CDH12: variants seen among roughly 807,000 people sequenced by gnomAD.
The protein encoded by CDH12 is cadherin-12.
CDH12 carries 41 observed loss-of-function variants against 74.1 expected under a neutral mutation model. The ratio of observed to expected loss-of-function variants is 0.55; its 90% CI spans 0.43 to 0.72. The LOEUF (loss-of-function observed/expected upper bound fraction) is 0.72. CDH12 is among the 30% of genes least tolerant of loss of function. The pLI is 0.00. For synonymous variants in CDH12, 399 were observed against 355.0 expected (o/e 1.12, Z -1.39); for missense variants, 945 against 977.2 (o/e 0.97, Z 0.44).
intron 1 of CDH12, among the ~76,000 whole-genome samples, chr5:22,838,115 C>T (rs748887772): frequency 6.6e-5 from 10 of 152,166 alleles, no homozygotes; most frequent in Admixed American, 6.5e-5. Context: ...CTTGTCCTTG[C>T]TTTGCCATTT....
intron 8 of CDH12, among the ~76,000 whole-genome samples, chr5:21,827,211 C>G (rs1444194711): frequency 1.3e-5 from 2 of 152,022 alleles, no homozygotes; most frequent in Non-Finnish European, 2.9e-5. Flanking sequence ...GAAAGTCAAC[C>G]AAATAGATAC....
chr5:22,514,904 G>A (rs1183066615), intron 1 of CDH12, among the ~76,000 whole-genome samples: 1 of 152,158 alleles, frequency 6.6e-6, no homozygotes, highest in Admixed American at 6.6e-5. Flanking sequence ...ATTATTTAGA[G>A]ATGTGATTAT....
At chr5:22,710,111 C>T (rs1743216003) in intron 1 of CDH12, among the ~76,000 whole-genome samples, 1 of 152,256 alleles carries the variant, frequency 6.6e-6, no homozygotes, top group African/African-American at 2.4e-5. Flanking sequence ...AGCAAAATCA[C>T]CCTCTATTTC....
intron 3 of CDH12, among the ~76,000 whole-genome samples, chr5:22,372,103 G>C (rs2968278): frequency 0.043 from 6,564 of 152,284 alleles, 312 homozygotes; most frequent in East Asian, 0.12. Flanking sequence ...GCTTAGTTCA[G>C]AGTGGCTGGT....
chr5:21,952,142 G>C (rs1409268224), intron 6 of CDH12, among the ~76,000 whole-genome samples: 2 of 152,154 alleles, frequency 1.3e-5, no homozygotes, highest in Non-Finnish European at 2.9e-5. Context: ...TTACATTAGT[G>C]CTGTTGCCGT....
intron 10 of CDH12, among the ~76,000 whole-genome samples, chr5:21,796,213 A>C (rs1746771254): frequency 6.6e-6 from 1 of 152,038 alleles, no homozygotes; most frequent in African/African-American, 2.4e-5. Context: ...TGAGTTGAAA[A>C]TGCATCTAAG....
chr5:22,450,357 T>C (rs1459556287), intron 2 of CDH12, among the ~76,000 whole-genome samples: 1 of 151,836 alleles, frequency 6.6e-6, no homozygotes, highest in African/African-American at 2.4e-5. Flanking sequence ...AAAAGAGAAA[T>C]ATGGATCCAC....
At chr5:22,388,490 A>C (rs982727827) in intron 3 of CDH12, among the ~76,000 whole-genome samples, 4 of 152,158 alleles carry the variant, frequency 2.6e-5, no homozygotes, top group African/African-American at 9.6e-5. Context: ...TTTCATATTA[A>C]GACCTAACAA....
chr5:22,227,259 C>T lies in CDH12; in HGVS notation c.-332-14616G>A, dbSNP rs184062918. ...AATCCCCATCTGGTAAGTGTTCTAC[C>T]ATAATGAAGGAGACAAAATATATAT... On this transcript the variant is annotated intron_variant, in intron 3 of 14. Coordinates refer to ENST00000382254, the MANE Select transcript of CDH12 (RefSeq NM_004061.5). Among the ~76,000 whole-genome samples, 1,219 of 152,028 alleles carry T rather than the reference C, an allele frequency of 8.0e-3. 7 individuals are homozygous for T. The highest frequency in any genetic ancestry group is 0.011 in the Non-Finnish European group (740 of 67,968).
At chr5:22,295,908 A>T (rs1334732069) in intron 3 of CDH12, among the ~76,000 whole-genome samples, 2 of 152,080 alleles carry the variant, frequency 1.3e-5, no homozygotes, top group Non-Finnish European at 2.9e-5. Flanking sequence ...AGAAAGGACA[A>T]GTAACAGTTG....
At chr5:22,248,145 C>T (rs1390460578) in intron 3 of CDH12, among the ~76,000 whole-genome samples, 2 of 152,026 alleles carry the variant, frequency 1.3e-5, no homozygotes, top group African/African-American at 4.8e-5. Context: ...ACTAATAATA[C>T]AAAAATTAGC....
chr5:21,975,553 C>T (rs1757035431), intron 5 of CDH12, among the ~76,000 whole-genome samples, 168 bp from the exon 6 acceptor site: 1 of 152,064 alleles, frequency 6.6e-6, no homozygotes, highest in African/African-American at 2.4e-5. Flanking sequence ...TTTATTTCTC[C>T]AACTTCTTTT....
intron 3 of CDH12, among the ~76,000 whole-genome samples, chr5:22,366,271 T>A (rs1208542777): frequency 6.6e-6 from 1 of 152,090 alleles, no homozygotes; most frequent in Non-Finnish European, 1.5e-5. Context: ...TCTATTTATC[T>A]AGAAAATATT....
intron 1 of CDH12, among the ~76,000 whole-genome samples, chr5:22,703,180 C>T (rs545151998): frequency 1.2e-4 from 18 of 152,042 alleles, no homozygotes; most frequent in Non-Finnish European, 2.9e-5. Flanking sequence ...AAAAAAGCAC[C>T]CCGTTCAAGT....
chr5:22,171,953 G>A (rs949365016), intron 4 of CDH12, among the ~76,000 whole-genome samples: 6 of 152,032 alleles, frequency 3.9e-5, no homozygotes, highest in Non-Finnish European at 8.8e-5. Flanking sequence ...GTGTAGGAGT[G>A]AGAAAGGTAA....
intron 9 of CDH12, among the ~76,000 whole-genome samples, chr5:21,814,628 AAAGT>A (rs778311441): frequency 6.6e-5 from 10 of 150,992 alleles, no homozygotes; most frequent in East Asian, 1.9e-4. Flanking sequence ...GTGTGAATAT[AAAGT>A]AAGTTACAAT....
At chr5:21,798,249 ATGTGTG>A (rs55704091) in intron 10 of CDH12, among the ~76,000 whole-genome samples, 35,388 of 148,618 alleles carry the variant, frequency 0.24, 4,392 homozygotes, top group Middle Eastern at 0.33. Flanking sequence ...GTATATGTGG[ATGTGTG>A]TGTGTGTGTG....
chr5:22,629,540 G>T (rs949975566), intron 1 of CDH12, among the ~76,000 whole-genome samples: 5 of 152,166 alleles, frequency 3.3e-5, no homozygotes, highest in South Asian at 4.1e-4. Context: ...TATAGAAAAT[G>T]CTTATGATAA....
At chr5:22,730,131 C>A (rs1376026731) in intron 1 of CDH12, among the ~76,000 whole-genome samples, 7 of 151,626 alleles carry the variant, frequency 4.6e-5, no homozygotes, top group African/African-American at 7.3e-5. Flanking sequence ...TTTTATATTT[C>A]TGATATCAAT....
Sources: gnomAD v4.1 joint callset for allele counts (sites outside exome capture counted in the v4.1 genomes callset) on GRCh38, gnomAD v4.1.1 for gene constraint, MANE v1.5 for transcripts, NCBI Gene and HGNC (gene_info 2026-07-23, HGNC 2026-07-21) for gene names.